Variants in SAMD12 observed in about 807,000 individuals in gnomAD.
SAMD12 encodes sterile alpha motif domain containing 12.
Under a neutral mutation model 15.0 loss-of-function variants are expected in SAMD12, and 9 were observed. The ratio of observed to expected loss-of-function variants is 0.60; its 90% CI spans 0.36 to 1.05. The LOEUF is 1.05. Among genes scored for constraint, SAMD12 ranks in the 50% least tolerant of loss-of-function variants. The pLI is 0.01. For synonymous variants in SAMD12, 86 were observed against 90.1 expected (o/e 0.96, Z 0.25); for missense variants, 230 against 234.2 (o/e 0.98, Z 0.12).
chr8:118,316,562 T>C (rs111754817), intron 4 of SAMD12, among the ~76,000 whole-genome samples: 196 of 152,036 alleles, frequency 1.3e-3, no homozygotes, highest in African/African-American at 4.5e-3. Context: ...TTGGAGCTTA[T>C]GTTTAAGGAA....
chr8:118,584,953 ACAAACAC>A (rs1195761053), intron 1 of SAMD12, among the ~76,000 whole-genome samples: 49 of 151,394 alleles, frequency 3.2e-4, no homozygotes, highest in Non-Finnish European at 6.5e-4. Context: ...ACACACACAC[ACAAACAC>A]ACACACACAA....
At chr8:118,314,450 T>G (rs1286906925) in intron 4 of SAMD12, among the ~76,000 whole-genome samples, 1 of 152,130 alleles carries the variant, frequency 6.6e-6, no homozygotes, top group East Asian at 1.9e-4. Context: ...TTCTATGAAA[T>G]TTTATCACAT....
the SAMD12 span, among the ~76,000 whole-genome samples, chr8:118,147,534 G>A: frequency 6.6e-6 from 1 of 151,512 alleles, no homozygotes. Flanking sequence ...CTAATTTTTT[G>A]TCTCTTTAGT....
chr8:118,264,335 T>C (rs1252893753), intron 4 of SAMD12, among the ~76,000 whole-genome samples: 4 of 152,162 alleles, frequency 2.6e-5, no homozygotes, highest in Non-Finnish European at 4.4e-5. Context: ...TTTTTTGCAC[T>C]AAAGAATGTT....
chr8:118,227,042 T>A (rs894396959), intron 4 of SAMD12, among the ~76,000 whole-genome samples: 2 of 152,150 alleles, frequency 1.3e-5, no homozygotes, highest in Non-Finnish European at 2.9e-5. Flanking sequence ...GTATAAATAA[T>A]TCTGCCATAA....
At chr8:118,386,596 A>G (rs895001295) in intron 3 of SAMD12, among the ~76,000 whole-genome samples, 11 of 152,202 alleles carry the variant, frequency 7.2e-5, no homozygotes, top group African/African-American at 2.7e-4. Context: ...TGACTACGGC[A>G]CAGGGTTCAT....
chr8:118,483,104 C>T (rs1824174449), intron 2 of SAMD12, among the ~76,000 whole-genome samples: 2 of 152,090 alleles, frequency 1.3e-5, no homozygotes, highest in Non-Finnish European at 2.9e-5. Flanking sequence ...TGATGAGCCT[C>T]ATGAATAAAT....
At chr8:118,219,166 G>A (rs1467267967) in intron 4 of SAMD12, among the ~76,000 whole-genome samples, 2 of 152,046 alleles carry the variant, frequency 1.3e-5, no homozygotes, top group Admixed American at 1.3e-4. Flanking sequence ...CATCTGTGTT[G>A]CCCATACACG....
chr8:118,412,654 G>T (rs1821470036), intron 3 of SAMD12, among the ~76,000 whole-genome samples: 1 of 152,052 alleles, frequency 6.6e-6, no homozygotes, highest in Admixed American at 6.6e-5. Context: ...TTTTACTCTG[G>T]ATGCTGTCTT....
chr8:118,316,815 AG>A (rs1018333069), intron 4 of SAMD12, among the ~76,000 whole-genome samples: 1 of 51,914 alleles, frequency 1.9e-5, no homozygotes, highest in Non-Finnish European at 3.5e-5. Context: ...ATTAAAAAAA[AG>A]TTTTTTTTTT....
chr8:118,356,253 G>A (rs756469620), intron 4 of SAMD12, among the ~76,000 whole-genome samples: 1 of 152,124 alleles, frequency 6.6e-6, no homozygotes, highest in Non-Finnish European at 1.5e-5. Flanking sequence ...AGTGCTGGGA[G>A]GTCAACTTAG....
intron 4 of SAMD12, among the ~76,000 whole-genome samples, chr8:118,348,623 C>T (rs2450205): frequency 0.69 from 104,345 of 151,980 alleles, 36,337 homozygotes; most frequent in Non-Finnish European, 0.74. Flanking sequence ...CTGCCCACCT[C>T]GGCCTCCTGA....
intron 3 of SAMD12, among the ~76,000 whole-genome samples, chr8:118,434,201 G>GA (rs1185090347): frequency 6.6e-6 from 1 of 152,046 alleles, no homozygotes; most frequent in Admixed American, 6.6e-5. Flanking sequence ...TTTTAAAAAG[G>GA]AAAAGAAGTA....
chr8:118,494,294 T>G (rs1264913337), intron 2 of SAMD12, among the ~76,000 whole-genome samples: 2 of 152,202 alleles, frequency 1.3e-5, no homozygotes, highest in Non-Finnish European at 2.9e-5. Context: ...TAAGACCATT[T>G]TGGACTTCTG....
chr8:118,487,210 A>C (rs1824315438), intron 2 of SAMD12, among the ~76,000 whole-genome samples: 1 of 152,170 alleles, frequency 6.6e-6, no homozygotes, highest in Non-Finnish European at 1.5e-5. Flanking sequence ...TCAGGGTGTC[A>C]GTGGCTATAG....
intron 2 of SAMD12, among the ~76,000 whole-genome samples, chr8:118,510,891 G>A (rs996690589): frequency 6.6e-5 from 10 of 152,216 alleles, no homozygotes; most frequent in Non-Finnish European, 1.5e-5. Context: ...CAAAGAAATT[G>A]TGAATGTGGT....
intron 3 of SAMD12, among the ~76,000 whole-genome samples, chr8:118,384,566 C>T (rs1819845895): frequency 6.6e-6 from 1 of 152,082 alleles, no homozygotes; most frequent in Admixed American, 6.6e-5. Flanking sequence ...TCAGAGATGA[C>T]TCACATTTTC....
intron 2 of SAMD12, among the ~76,000 whole-genome samples, chr8:118,492,705 A>G: frequency 6.6e-6 from 1 of 152,220 alleles, no homozygotes; most frequent in South Asian, 2.1e-4. Flanking sequence ...TAACAAAAGC[A>G]TGTAAAATGA....
the SAMD12 span, among the ~76,000 whole-genome samples, chr8:118,173,863 C>T: frequency 3.4e-4 from 52 of 152,130 alleles, no homozygotes; most frequent in African/African-American, 1.2e-3. Flanking sequence ...CTCCTGACCT[C>T]GGGTGATCTG....
Sources: gnomAD v4.1 joint callset for allele counts (sites outside exome capture counted in the v4.1 genomes callset) on GRCh38, gnomAD v4.1.1 for gene constraint, MANE v1.5 for transcripts, NCBI Gene and HGNC (gene_info 2026-07-23, HGNC 2026-07-21) for gene names.